THSD7A: variants seen among roughly 807,000 people sequenced by gnomAD.
The protein encoded by THSD7A is thrombospondin type 1 domain containing 7A, also known as thrombospondin type-1 domain-containing protein 7A.
Under a neutral mutation model 231.3 loss-of-function variants are expected in THSD7A, and 96 were observed. The ratio of observed to expected loss-of-function variants is 0.41; its 90% CI spans 0.35 to 0.49. The LOEUF is 0.49. Ranked by LOEUF, THSD7A falls within the 20% of genes least tolerant of loss-of-function variation. The pLI is 0.05. For synonymous variants in THSD7A, 940 were observed against 743.3 expected (o/e 1.26, Z -4.30); for missense variants, 2,290 against 2,070.2 (o/e 1.11, Z -2.06).
At chr7:11,661,883 C>T (rs981023721) in intron 1 of THSD7A, among the ~76,000 whole-genome samples, 2 of 151,062 alleles carry the variant, frequency 1.3e-5, no homozygotes, top group African/African-American at 4.8e-5. Context: ...ACAAGATAAA[C>T]AGAGGCAGAG....
chr7:11,648,635 G>GGTGTGTGTGTGTGT (rs1562441338), intron 1 of THSD7A, among the ~76,000 whole-genome samples: 1 of 62,014 alleles, frequency 1.6e-5, no homozygotes, highest in Non-Finnish European at 3.9e-5. Flanking sequence ...TCTATTTTGT[G>GGTGTGTGTGTGTGT]GCGTGTGTGT....
At chr7:11,696,770 A>G (rs1245476974) in intron 1 of THSD7A, among the ~76,000 whole-genome samples, 2 of 151,484 alleles carry the variant, frequency 1.3e-5, no homozygotes, top group Non-Finnish European at 3.0e-5. Context: ...GTGTTCCTGT[A>G]TCTTACAGGG....
rs977379909 is a variant in THSD7A at position 11,474,639 on chromosome 7, G to A, written c.2018-71C>T. 4 of 1,214,100 alleles carry A rather than the reference G, an allele frequency of 3.3e-6. No individual in the cohort carries two copies. Among genetic ancestry groups the A allele is most frequent in the Non-Finnish European group, 4.6e-6 (4 of 872,094 alleles). 75.2% of individuals were successfully genotyped at this position (1,214,100 alleles called of 1,614,324 possible). A position where few individuals can be genotyped will look rare whatever the true frequency, so the allele number is the denominator to read the frequency against. ...GAACCTTACCATACTCTGTTCTTTG[G>A]AATTAACATGGCTTAGAAATAAAAA... On this transcript the variant is annotated intron_variant, in intron 7 of 27. Transcript: ENST00000423059. The surrounding 1 kb of genome is among the most constrained non-coding windows in gnomAD (Gnocchi z 4.1).
intron 1 of THSD7A, among the ~76,000 whole-genome samples, chr7:11,733,122 C>A (rs1781794550): frequency 6.6e-6 from 1 of 151,766 alleles, no homozygotes; most frequent in African/African-American, 2.4e-5. Flanking sequence ...TTCAACAATA[C>A]AGTGATTTCT....
chr7:11,788,214 G>A (rs1453944034), intron 1 of THSD7A, among the ~76,000 whole-genome samples: 2 of 152,030 alleles, frequency 1.3e-5, no homozygotes, highest in South Asian at 4.1e-4. Flanking sequence ...CAGCAGTAAT[G>A]ATGCAGTCAT....
chr7:11,505,759 G>C lies in THSD7A; in HGVS notation c.1823-23777C>G, dbSNP rs1046885841. Among the ~76,000 whole-genome samples the C allele has an allele frequency of 1.3e-5, 2 of 152,248 alleles. 1 individual carries two copies. Among genetic ancestry groups the C allele is most frequent in the African/African-American group, 4.8e-5 (2 of 41,554 alleles). On this transcript the variant is annotated intron_variant, in intron 6 of 27. Coordinates refer to ENST00000423059, the MANE Select transcript of THSD7A (RefSeq NM_015204.3). ...TGCTGAGAAGTGAGGTTAGGATTCA[G>C]AATAACTGGGATATGAAGCATGCCA...
At chr7:11,811,634 T>C (rs1784530784) in intron 1 of THSD7A, among the ~76,000 whole-genome samples, 1 of 152,186 alleles carries the variant, frequency 6.6e-6, no homozygotes, top group Admixed American at 6.6e-5. Context: ...AAAGCCTATT[T>C]ACTGTAATGC....
chr7:11,601,380 T>C (rs1780547422), intron 2 of THSD7A, among the ~76,000 whole-genome samples: 2 of 152,184 alleles, frequency 1.3e-5, no homozygotes, highest in South Asian at 4.1e-4. Flanking sequence ...AAATATCTCC[T>C]GAGATAAATT....
At chr7:11,687,548 A>T (rs1780097010) in intron 1 of THSD7A, among the ~76,000 whole-genome samples, 1 of 151,972 alleles carries the variant, frequency 6.6e-6, no homozygotes, top group Admixed American at 6.6e-5. Context: ...TCTTGCTTTT[A>T]TCACTGGGAA....
Position 11,429,053 on chromosome 7 carries a change from C to G in THSD7A, c.3137G>C (p.Arg1046Pro), listed in dbSNP as rs773905875. 2 of 1,613,042 alleles carry G rather than the reference C, an allele frequency of 1.2e-6. No homozygotes were observed. Among genetic ancestry groups the G allele is most frequent in the South Asian group, 1.1e-5 (1 of 90,916 alleles). The change falls in exon 14 of 28, where the codon CGC becomes CCC. Residue 1046 changes from arginine (R) to proline (P), a missense_variant. Coordinates refer to ENST00000423059, the MANE Select transcript of THSD7A (RefSeq NM_015204.3). ...CKLSEWSNWS[R>P]CSKSCGSGVK... Reference sequence around the variant, plus strand: ...ACCACTCCCACAGGACTTGCTGCAGCGCGACCAGTTGGACCACTCACTGAG... The same window carrying G: ...ACCACTCCCACAGGACTTGCTGCAGGGCGACCAGTTGGACCACTCACTGAG...
intron 16 of THSD7A, among the ~76,000 whole-genome samples, chr7:11,418,715 T>C (rs998828377): frequency 3.9e-5 from 6 of 152,216 alleles, no homozygotes; most frequent in African/African-American, 1.2e-4. Flanking sequence ...AACTTAGGAA[T>C]GTCCTTTCCC....
chr7:11,741,493 T>C (rs1461853994), intron 1 of THSD7A, among the ~76,000 whole-genome samples: 1 of 151,836 alleles, frequency 6.6e-6, no homozygotes, highest in Non-Finnish European at 1.5e-5. Context: ...AAAAAATAAG[T>C]GTTGGAAATA....
chr7:11,782,074 A>C lies in THSD7A; in HGVS notation c.190+49683T>G, dbSNP rs192266004. ...AAATGTGCCCTGGGAAGATACAGTC[A>C]CCTTTGGTTAAAAACCACTATTATG... On this transcript the variant is annotated intron_variant, in intron 1 of 27. Coordinates refer to ENST00000423059, the MANE Select transcript of THSD7A (RefSeq NM_015204.3). Among the ~76,000 whole-genome samples the C allele has an allele frequency of 3.3e-5, 5 of 152,272 alleles. No homozygotes were observed. In the East Asian group the frequency reaches 9.7e-4, roughly 29 times the overall value.
chr7:11,829,660 C>T (rs2128189319), intron 1 of THSD7A, among the ~76,000 whole-genome samples: 1 of 152,216 alleles, frequency 6.6e-6, no homozygotes. Flanking sequence ...TCTTTATTTT[C>T]ATCAAGTGAT....
intron 4 of THSD7A, among the ~76,000 whole-genome samples, chr7:11,578,540 T>C (rs527992070): frequency 6.6e-6 from 1 of 152,280 alleles, no homozygotes; most frequent in East Asian, 1.9e-4. Flanking sequence ...TAGGGAAGGA[T>C]AAAACACTAT....
At chr7:11,727,985 A>G (rs1014863776) in intron 1 of THSD7A, among the ~76,000 whole-genome samples, 3 of 151,930 alleles carry the variant, frequency 2.0e-5, no homozygotes, top group Non-Finnish European at 2.9e-5. Context: ...CAAGCTTCCT[A>G]AGGTGTTTGT....
At chr7:11,409,775 T>A (rs769201181) in intron 19 of THSD7A, among the ~76,000 whole-genome samples, 8 of 152,000 alleles carry the variant, frequency 5.3e-5, no homozygotes, top group Non-Finnish European at 1.0e-4. Flanking sequence ...GGAGTTTTGC[T>A]CTTGTTGCCC....
intron 2 of THSD7A, among the ~76,000 whole-genome samples, chr7:11,594,071 A>G (rs1029750934): frequency 1.3e-5 from 2 of 152,322 alleles, no homozygotes; most frequent in African/African-American, 4.8e-5. Flanking sequence ...CAATGCGGCT[A>G]GAATATAAAG....
intron 1 of THSD7A, among the ~76,000 whole-genome samples, chr7:11,772,212 A>AC (rs1783254550): frequency 6.8e-6 from 1 of 146,032 alleles, no homozygotes; most frequent in African/African-American, 2.4e-5. Context: ...TTAAAACAAA[A>AC]AAAAACAAAA....
Sources: gnomAD v4.1 joint callset for allele counts (sites outside exome capture counted in the v4.1 genomes callset) on GRCh38, gnomAD v4.1.1 for gene constraint, Gnocchi (gnomAD v3.1) non-coding constraint, MANE v1.5 for transcripts, NCBI Gene and HGNC (gene_info 2026-07-23, HGNC 2026-07-21) for gene names.